URM1: variants seen among roughly 807,000 people sequenced by gnomAD.
The protein encoded by URM1 is ubiquitin related modifier 1.
URM1 carries 11 observed loss-of-function variants against 17.7 expected under a neutral mutation model. The ratio of observed to expected loss-of-function variants is 0.62; its 90% CI spans 0.39 to 1.03. The LOEUF is 1.03. URM1 is among the 50% of genes least tolerant of loss of function. URM1 has a pLI of 0.00. For synonymous variants in URM1, 48 were observed against 50.6 expected (o/e 0.95, Z 0.22); for missense variants, 128 against 129.2 (o/e 0.99, Z 0.04).
chr9:128,388,945 G>A (rs762514799), intron 3 of URM1: 1 of 1,184,260 alleles, frequency 8.4e-7, no homozygotes, highest in Middle Eastern at 3.4e-4. Context: ...GGCCTTGTGG[G>A]TTAGACAGTA....
chr9:128,371,525 G>T, intron 1 of URM1, 110 bp downstream of exon 1: 1 of 1,150,140 alleles, frequency 8.7e-7, no homozygotes, highest in Non-Finnish European at 1.3e-6. Context: ...GTGTCCCAGT[G>T]CCCGCTGTGA....
rs1198417008 is a variant in URM1, at chr9:128,390,151, G to T, written c.*417G>T. On this transcript the variant is annotated 3_prime_UTR_variant, in exon 5 of 5. Coordinates refer to ENST00000372853, the MANE Select transcript of URM1 (RefSeq NM_030914.4). ...GATGAATGGACCTGAGTAGCTGAAG[G>T]AAGGCCCCTCCCTACCCAAAGACTG... The T allele has an allele frequency of 4.9e-6, 1 of 203,194 alleles. No homozygotes were observed. The highest frequency in any genetic ancestry group is 9.9e-6 in the Non-Finnish European group (1 of 101,040). 12.6% of individuals were successfully genotyped at this position (203,194 alleles called of 1,614,324 possible).
chr9:128,389,608 G>C (rs1344728720), intron 4 of URM1, 58 bp from the exon 5 acceptor site: 23 of 1,608,894 alleles, frequency 1.4e-5, no homozygotes, highest in Non-Finnish European at 1.8e-5. Flanking sequence ...CCCAACTCCT[G>C]GGGTGGACCT....
At chr9:128,388,420 TGC>T (rs2131301409) in intron 3 of URM1, 1 of 986,166 alleles carries the variant, frequency 1.0e-6, no homozygotes, top group African/African-American at 1.7e-5. Context: ...AGAAGCCCAG[TGC>T]AGTCTCCTTG....
Position 128,385,817 on chromosome 9 carries a change from T to C in URM1, c.107-1999T>C, listed in dbSNP as rs141318703. On this transcript the variant is annotated intron_variant, in intron 2 of 4. Coordinates refer to ENST00000372853, the MANE Select transcript of URM1 (RefSeq NM_030914.4). ...TCCAGGCATGGGGGAACAATACGAG[T>C]GGCGATGCGGTAGCCTCACCATGGT... Among the ~76,000 whole-genome samples, 20 of 148,662 alleles carry C rather than the reference T, an allele frequency of 1.3e-4. No individual in the cohort carries two copies. In the East Asian group the frequency reaches 3.8e-3, roughly 28 times the overall value.
Position 128,391,652 on chromosome 9 carries a change from C to T in URM1, c.*1918C>T, listed in dbSNP as rs1833317103. The T allele has an allele frequency of 6.6e-6, 1 of 152,246 alleles. No individual in the cohort carries two copies. Among genetic ancestry groups the T allele is most frequent in the East Asian group, 1.9e-4 (1 of 5,200 alleles). The allele number at this position is 152,246 out of a possible 1,614,324, so 9.4% of individuals were successfully genotyped here. On this transcript the variant is annotated 3_prime_UTR_variant, in exon 5 of 5. Coordinates refer to ENST00000372853, the MANE Select transcript of URM1 (RefSeq NM_030914.4). ...CCCATCAGTGCACCTGATTGGAACA[C>T]ACTAGATTTCAGGTCCTGGAAACTG...
chr9:128,374,907 T>C (rs1323149953), intron 1 of URM1, among the ~76,000 whole-genome samples: 1 of 152,210 alleles, frequency 6.6e-6, no homozygotes, highest in Admixed American at 6.5e-5. Flanking sequence ...AGTCCCCGCC[T>C]TCCCTTGGCC....
chr9:128,372,412 A>G (rs1392739218), intron 1 of URM1, among the ~76,000 whole-genome samples: 1 of 151,882 alleles, frequency 6.6e-6, no homozygotes, highest in Non-Finnish European at 1.5e-5. Flanking sequence ...GATGCCTCCC[A>G]TTTCTTTCAT....
At position 128,391,058 on chromosome 9, in the gene URM1, C is replaced by T. The variant is rs1231407277; in HGVS notation, c.*1324C>T. On this transcript the variant is annotated 3_prime_UTR_variant, in exon 5 of 5. Transcript: ENST00000372853. ...GGTAGCATAGATAAGACTGCTGAGC[C>T]CCCTTTCTGTGGTCTTTCCTTTCCA... 1 of 152,240 alleles carries T rather than the reference C, an allele frequency of 6.6e-6. No homozygotes were observed. Among genetic ancestry groups the T allele is most frequent in the African/African-American group, 2.4e-5 (1 of 41,446 alleles). 9.4% of individuals were successfully genotyped at this position (152,240 alleles called of 1,614,324 possible).
At chr9:128,380,454 T>C (rs1039097542) in intron 2 of URM1, among the ~76,000 whole-genome samples, 1 of 152,094 alleles carries the variant, frequency 6.6e-6, no homozygotes, top group Non-Finnish European at 1.5e-5. Context: ...AAGGTGACTG[T>C]TTCTTAGTTT....
chr9:128,379,863 A>G (rs1833135726), intron 2 of URM1, among the ~76,000 whole-genome samples: 2 of 152,304 alleles, frequency 1.3e-5, no homozygotes, highest in Non-Finnish European at 2.9e-5. Context: ...CTGTAATCCT[A>G]ACACTTTGGG....
Sources: gnomAD v4.1 joint callset for allele counts (sites outside exome capture counted in the v4.1 genomes callset) on GRCh38, gnomAD v4.1.1 for gene constraint, MANE v1.5 for transcripts, NCBI Gene and HGNC (gene_info 2026-07-23, HGNC 2026-07-21) for gene names.